Variants in ITIH5 observed in about 807,000 individuals in gnomAD.
ITIH5 encodes the protein inter-alpha-trypsin inhibitor heavy chain 5.
Under a neutral mutation model 77.5 loss-of-function variants are expected in ITIH5, and 65 were observed. That is an observed-to-expected ratio of 0.84 (90% CI 0.69 to 1.03). ITIH5 has a LOEUF of 1.03. ITIH5 is among the 50% of genes least tolerant of loss of function. The probability of loss-of-function intolerance (pLI) is 0.00; values close to 1 mark genes in which losing one functional copy is unlikely to be tolerated. For missense variants in ITIH5, 1,208 were observed against 1,213.1 expected (o/e 1.00, Z 0.06); for synonymous variants, 525 against 494.3 (o/e 1.06, Z -0.82).
rs1832008190 is a variant in ITIH5, at chr10:7,559,856, TGTTTTG to T, written c.*3221_*3226del. The T allele has an allele frequency of 2.2e-6, 1 of 448,926 alleles. No individual in the cohort carries two copies. The highest frequency in any genetic ancestry group is 2.4e-5 in the Admixed American group (1 of 42,292). 27.8% of individuals were successfully genotyped at this position (448,926 alleles called of 1,614,324 possible). Reference sequence around the variant, plus strand: ...TCTCTCCCATGTCTTTTTTTTGTTTTGTTTTGTTTTTTTTTGACGGAGTTTGGCTCT... The same window carrying T: ...TCTCTCCCATGTCTTTTTTTTGTTTTTTTTTTTTTGACGGAGTTTGGCTCT... On this transcript the variant is annotated 3_prime_UTR_variant, in exon 14 of 14. Coordinates refer to ENST00000397146, the MANE Select transcript of ITIH5 (RefSeq NM_030569.7).
chr10:7,629,617 C>T (rs61834792), intron 5 of ITIH5, among the ~76,000 whole-genome samples: 6,103 of 130,864 alleles, frequency 0.047, 212 homozygotes, highest in South Asian at 0.077. Context: ...ATCCATGTTG[C>T]AGCGTGTGTC....
chr10:7,569,841 T>G, intron 11 of ITIH5, 57 bp from the exon 12 acceptor site: 2 of 951,556 alleles, frequency 2.1e-6, no homozygotes, highest in Non-Finnish European at 3.2e-6. Context: ...AGTACCTTCC[T>G]TGTGTAGGTG....
intron 13 of ITIH5, among the ~76,000 whole-genome samples, chr10:7,565,070 G>GTGTATA (rs1554746330): frequency 8.1e-5 from 11 of 135,912 alleles, no homozygotes; most frequent in African/African-American, 1.1e-4. Context: ...CACATAGACT[G>GTGTATA]TATATATATA....
At chr10:7,586,681 T>C (rs1233984549) in intron 7 of ITIH5, among the ~76,000 whole-genome samples, 1 of 152,186 alleles carries the variant, frequency 6.6e-6, no homozygotes, top group Admixed American at 6.5e-5. Flanking sequence ...AATGAACGTT[T>C]AATGAATTAT....
intron 5 of ITIH5, among the ~76,000 whole-genome samples, chr10:7,631,039 A>AG (rs1339044201): frequency 8.0e-6 from 1 of 124,728 alleles, no homozygotes; most frequent in East Asian, 2.3e-4. Flanking sequence ...CAAGCAGCCC[A>AG]GGAAAAAAAA....
chr10:7,604,046 C>T (rs990275653), intron 7 of ITIH5, among the ~76,000 whole-genome samples: 5 of 152,178 alleles, frequency 3.3e-5, no homozygotes, highest in Admixed American at 2.6e-4. Context: ...GCAGGAGCTT[C>T]CCAGGCACCT....
At chr10:7,611,116 C>G (rs1537627) in intron 7 of ITIH5, among the ~76,000 whole-genome samples, 37,297 of 152,232 alleles carry the variant, frequency 0.25, 4,768 homozygotes, top group African/African-American at 0.29. Flanking sequence ...CAACCACACT[C>G]TTACTTGCAC....
At chr10:7,566,556 T>A in intron 12 of ITIH5, 149 bp from the exon 13 acceptor site, 1 of 666,138 alleles carries the variant, frequency 1.5e-6, no homozygotes, top group Non-Finnish European at 2.5e-6. Flanking sequence ...AGAGACCCCA[T>A]CTCTACTAAA....
intron 5 of ITIH5, among the ~76,000 whole-genome samples, chr10:7,626,999 C>G (rs12265699): frequency 0.12 from 17,785 of 152,216 alleles, 1,210 homozygotes; most frequent in Non-Finnish European, 0.14. Flanking sequence ...CCCTCAGTTC[C>G]TTCAACAAAC....
At chr10:7,647,995 G>C (rs180809639) in intron 2 of ITIH5, among the ~76,000 whole-genome samples, 19 of 151,770 alleles carry the variant, frequency 1.3e-4, no homozygotes, top group African/African-American at 4.1e-4. Flanking sequence ...TGTAATCCCA[G>C]CACTTTAGGA....
rs142992412 is a variant in ITIH5 at position 7,581,721 on chromosome 10, CTTT to C, written c.1109-1660_1109-1658del. 6.6e-3 allele frequency among the ~76,000 whole-genome samples: 671 copies of C among 101,710 alleles called. 4 individuals carry two copies. The highest frequency in any genetic ancestry group is 0.021 in the African/African-American group (595 of 27,732). 66.7% of individuals were successfully genotyped at this position (101,710 alleles called of 152,430 possible). ...TCCCATGTTTTCTTTTCTTTTCCTT[CTTT>C]TTTTTTTTTTTTTTTTTTTTAGAGA... On this transcript the variant is annotated intron_variant, in intron 8 of 13. Coordinates refer to ENST00000397146, the MANE Select transcript of ITIH5 (RefSeq NM_030569.7).
intron 1 of ITIH5, among the ~76,000 whole-genome samples, chr10:7,661,087 TC>T (rs1834269140): frequency 1.3e-5 from 2 of 152,164 alleles, no homozygotes; most frequent in African/African-American, 4.8e-5. Context: ...ATGCAAGGGA[TC>T]TAGGTTGTGT....
intron 4 of ITIH5, among the ~76,000 whole-genome samples, chr10:7,640,187 G>T (rs1008699419): frequency 4.1e-5 from 6 of 147,420 alleles, no homozygotes; most frequent in African/African-American, 1.5e-4. Flanking sequence ...TACAGGCCAG[G>T]CATAGTGGCT....
intron 2 of ITIH5, among the ~76,000 whole-genome samples, chr10:7,651,814 A>G (rs927681158): frequency 1.3e-5 from 2 of 151,612 alleles, no homozygotes; most frequent in African/African-American, 2.4e-5. Flanking sequence ...TGAGACACAC[A>G]CTGTCCTCTG....
intron 8 of ITIH5, among the ~76,000 whole-genome samples, chr10:7,580,622 T>C (rs1163262847): frequency 6.6e-6 from 1 of 152,222 alleles, no homozygotes; most frequent in Non-Finnish European, 1.5e-5. Context: ...CAATGGCTTC[T>C]GTGCCCTCTT....
At chr10:7,585,825 CAAAAA>C in intron 8 of ITIH5, 71 bp downstream of exon 8, 2 of 858,514 alleles carry the variant, frequency 2.3e-6, no homozygotes, top group Non-Finnish European at 3.1e-6. Flanking sequence ...TATCTCTTGG[CAAAAA>C]AAAAAAAAAA....
chr10:7,592,766 G>C (rs1008118778), intron 7 of ITIH5, among the ~76,000 whole-genome samples: 3 of 152,148 alleles, frequency 2.0e-5, no homozygotes, highest in African/African-American at 7.2e-5. Flanking sequence ...CCTGGGCTCA[G>C]CACAGCCTGT....
intron 7 of ITIH5, among the ~76,000 whole-genome samples, chr10:7,601,081 G>C (rs1327393194): frequency 6.6e-6 from 1 of 152,192 alleles, no homozygotes; most frequent in Non-Finnish European, 1.5e-5. Context: ...AGTGGGGAAA[G>C]AGCTCTTAAT....
Position 7,599,843 on chromosome 10 carries a change from A to G in ITIH5, c.940-13774T>C, listed in dbSNP as rs181729329. ...TAGAGGAAGTGGAGGCCCCTCCACC[A>G]GGCAGGGAGAGTGACACTGTTCCTG... On this transcript the variant is annotated intron_variant, in intron 7 of 13. Coordinates refer to ENST00000397146, the MANE Select transcript of ITIH5 (RefSeq NM_030569.7). 5.3e-5 allele frequency among the ~76,000 whole-genome samples: 8 copies of G among 152,352 alleles called. No individual in the cohort carries two copies. In the East Asian group the frequency reaches 1.3e-3, roughly 26 times the overall value.
Sources: allele counts gnomAD v4.1 joint callset (sites outside exome capture counted in the v4.1 genomes callset), GRCh38; gene constraint gnomAD v4.1.1; transcripts MANE v1.5; gene names NCBI Gene and HGNC (gene_info 2026-07-23, HGNC 2026-07-21).